The following NKAIN3 variants were observed in gnomAD, a reference collection of about 807,000 sequenced individuals.
NKAIN3 encodes the protein sodium/potassium-transporting ATPase subunit beta-1-interacting protein 3.
Under a neutral mutation model 30.2 loss-of-function variants are expected in NKAIN3, and 25 were observed. The observed-to-expected ratio is 0.83, with a 90% CI of 0.60 to 1.16. The LOEUF is 1.16. NKAIN3 is among the 50% of genes most tolerant of loss of function. The probability of loss-of-function intolerance (pLI) is 0.00; values close to 1 mark genes in which losing one functional copy is unlikely to be tolerated. For synonymous variants in NKAIN3, 91 were observed against 89.6 expected, an observed-to-expected ratio of 1.02 and a Z score of -0.09; for missense variants, 225 against 254.1, an observed-to-expected ratio of 0.89 and a Z score of 0.78.
chr8:62,674,269 G>A (rs1813403715), intron 3 of NKAIN3, among the ~76,000 whole-genome samples: 1 of 152,166 alleles, frequency 6.6e-6, no homozygotes, highest in Non-Finnish European at 1.5e-5. Context: ...CTGTAGACCT[G>A]GAATTCCTGC....
At chr8:62,999,201 T>C (rs1585655800) in intron 5 of NKAIN3, 1 of 152,160 alleles carries the variant, frequency 6.6e-6, no homozygotes. Flanking sequence ...GAAGAAAAGG[T>C]AGTCAGTTTT....
chr8:62,575,741 A>G (rs1328758590), intron 1 of NKAIN3, among the ~76,000 whole-genome samples: 1 of 152,200 alleles, frequency 6.6e-6, no homozygotes, highest in Non-Finnish European at 1.5e-5. Flanking sequence ...TAACTGAAAC[A>G]GCATGGCACT....
chr8:62,726,919 A>G (rs1206737695), intron 3 of NKAIN3, among the ~76,000 whole-genome samples: 1 of 152,164 alleles, frequency 6.6e-6, no homozygotes, highest in Non-Finnish European at 1.5e-5. Context: ...CTACCAGCCA[A>G]TATCTCTCAT....
At chr8:62,753,775 A>G (rs1373272479) in intron 4 of NKAIN3, among the ~76,000 whole-genome samples, 2 of 152,150 alleles carry the variant, frequency 1.3e-5, no homozygotes, top group African/African-American at 4.8e-5. Context: ...CTTTCTTCTA[A>G]GAAAATAATT....
rs180984123 is a variant in NKAIN3 at position 62,842,797 on chromosome 8, C to T, written c.472-75656C>T. Reference sequence around the variant, plus strand: ...ATTCAATAAATTGTTCAAGGAAAACCAGTTATCCACATTCAGAAAAAAATG... The same window carrying T: ...ATTCAATAAATTGTTCAAGGAAAACTAGTTATCCACATTCAGAAAAAAATG... On this transcript the variant is annotated intron_variant, in intron 4 of 6. Transcript: ENST00000623646. 1.5e-4 allele frequency among the ~76,000 whole-genome samples: 23 copies of T among 152,036 alleles called. No homozygotes were observed. In the East Asian group the frequency reaches 3.9e-3, roughly 26 times the overall value.
chr8:62,434,244 G>A (rs1805102058), intron 1 of NKAIN3, among the ~76,000 whole-genome samples: 2 of 152,170 alleles, frequency 1.3e-5, no homozygotes, highest in South Asian at 2.1e-4. Flanking sequence ...TTTGAGCTGA[G>A]TCACAAAGTT....
chr8:62,806,613 A>G (rs895745987), intron 4 of NKAIN3, among the ~76,000 whole-genome samples: 1 of 152,076 alleles, frequency 6.6e-6, no homozygotes, highest in African/African-American at 2.4e-5. Flanking sequence ...ATGAGAACAC[A>G]TGGACACTGG....
intron 1 of NKAIN3, among the ~76,000 whole-genome samples, chr8:62,445,042 T>A (rs1010381145): frequency 1.4e-4 from 21 of 152,038 alleles, no homozygotes; most frequent in Admixed American, 6.6e-5. Flanking sequence ...GTCTCCTAGG[T>A]TCAAGTGATC....
chr8:62,253,887 T>G (rs185806533), intron 1 of NKAIN3, among the ~76,000 whole-genome samples: 5 of 152,214 alleles, frequency 3.3e-5, no homozygotes, highest in African/African-American at 1.2e-4. Context: ...ACTGATACTT[T>G]GGCTTTGACA....
At chr8:62,779,596 C>G (rs890671365) in intron 4 of NKAIN3, among the ~76,000 whole-genome samples, 2 of 152,122 alleles carry the variant, frequency 1.3e-5, no homozygotes, top group African/African-American at 4.8e-5. Context: ...ATTTACACTG[C>G]ATGTTAGACC....
At chr8:62,351,819 G>A (rs776935926) in intron 1 of NKAIN3, among the ~76,000 whole-genome samples, 5 of 152,116 alleles carry the variant, frequency 3.3e-5, no homozygotes, top group Non-Finnish European at 7.3e-5. Context: ...CAGTTTTCTG[G>A]AATTTATGAT....
rs572867479 is a variant in NKAIN3, at chr8:62,288,870, C to T, written c.54+39743C>T. Among the ~76,000 whole-genome samples the T allele has an allele frequency of 3.0e-3, 464 of 152,194 alleles. 4 individuals carry two copies. Among genetic ancestry groups the T allele is most frequent in the African/African-American group, 0.01 (429 of 41,560 alleles). ...TACAGTCCCACCAACAGTGTAAAAG[C>T]TTTCCTATTTCTCCACATCCTCCCC... On this transcript the variant is annotated intron_variant, in intron 1 of 6. Transcript: ENST00000623646.
intron 1 of NKAIN3, among the ~76,000 whole-genome samples, chr8:62,500,447 AAGAAAG>A (rs1807395150): frequency 1.5e-5 from 2 of 137,630 alleles, no homozygotes; most frequent in Admixed American, 7.0e-5. Context: ...GAAAGAAAGA[AAGAAAG>A]AAAGAAAGAA....
intron 4 of NKAIN3, among the ~76,000 whole-genome samples, chr8:62,912,338 T>G (rs1180347794): frequency 6.6e-6 from 1 of 152,142 alleles, no homozygotes; most frequent in African/African-American, 2.4e-5. Context: ...GCCTAGGATG[T>G]TACTCCACAC....
chr8:62,960,376 A>G (rs2130904190), intron 6 of NKAIN3, among the ~76,000 whole-genome samples: 1 of 152,294 alleles, frequency 6.6e-6, no homozygotes, highest in Non-Finnish European at 1.5e-5. Flanking sequence ...CAGAAAGCCC[A>G]TATCTGAACA....
At chr8:62,608,944 G>C (rs921107967) in intron 3 of NKAIN3, among the ~76,000 whole-genome samples, 7 of 152,126 alleles carry the variant, frequency 4.6e-5, no homozygotes, top group African/African-American at 1.7e-4. Context: ...TTGAGTGTTT[G>C]ACTAAATGTT....
At chr8:62,828,966 C>T (rs950977995) in intron 4 of NKAIN3, among the ~76,000 whole-genome samples, 2 of 152,178 alleles carry the variant, frequency 1.3e-5, no homozygotes, top group Non-Finnish European at 2.9e-5. Flanking sequence ...GGAGATGAGA[C>T]ATCCCACCAA....
chr8:62,695,179 A>G (rs890143764), intron 3 of NKAIN3, among the ~76,000 whole-genome samples: 1 of 152,194 alleles, frequency 6.6e-6, no homozygotes, highest in East Asian at 1.9e-4. Context: ...ATACTGTATT[A>G]CAATTATTTC....
intron 4 of NKAIN3, among the ~76,000 whole-genome samples, chr8:62,793,157 C>T (rs540256119): frequency 3.2e-4 from 49 of 151,930 alleles, no homozygotes; most frequent in African/African-American, 1.1e-3. Flanking sequence ...GAAAAAGAAG[C>T]CCAGTCAACG....
Sources: allele counts gnomAD v4.1 joint callset (sites outside exome capture counted in the v4.1 genomes callset), GRCh38; gene constraint gnomAD v4.1.1; transcripts MANE v1.5; gene names NCBI Gene and HGNC (gene_info 2026-07-23, HGNC 2026-07-21).